The following SRFBP1 variants were observed in gnomAD, a reference collection of about 807,000 sequenced individuals.
SRFBP1 encodes serum response factor binding protein 1, also known as serum response factor-binding protein 1.
SRFBP1 carries 47 observed loss-of-function variants against 45.5 expected under a neutral mutation model. That is an observed-to-expected ratio of 1.03 (90% confidence interval 0.82 to 1.32). The LOEUF is 1.32. Among genes scored for constraint, SRFBP1 ranks in the 40% most tolerant of loss-of-function variants. The pLI, the probability that SRFBP1 is intolerant of heterozygous loss-of-function variation, is 0.00. For missense variants in SRFBP1, 621 were observed against 484.6 expected (o/e 1.28, Z -2.64); for synonymous variants, 203 against 166.3 (o/e 1.22, Z -1.70).
chr5:121,983,836 TTAG>T (rs1413132143), intron 3 of SRFBP1, among the ~76,000 whole-genome samples: 3 of 151,856 alleles, frequency 2.0e-5, no homozygotes, highest in South Asian at 2.1e-4. Context: ...GTAAAATTTC[TTAG>T]TAGTAAACTT....
chr5:121,978,144 G>T (rs1752341165), intron 3 of SRFBP1, among the ~76,000 whole-genome samples: 1 of 152,102 alleles, frequency 6.6e-6, no homozygotes. Flanking sequence ...AGCTTTTACT[G>T]AGCATTTACT....
chr5:122,063,254 G>C (rs999691786), intron 2 of SRFBP1: 4 of 151,814 alleles, frequency 2.6e-5, no homozygotes, highest in African/African-American at 9.7e-5. Flanking sequence ...TAGTATAGAT[G>C]TATAATAAAA....
At chr5:122,062,006 A>G (rs1434491288) in intron 2 of SRFBP1, among the ~76,000 whole-genome samples, 5 of 151,990 alleles carry the variant, frequency 3.3e-5, no homozygotes, top group African/African-American at 1.2e-4. Flanking sequence ...GTATACTAGG[A>G]TAATAAGTGC....
chr5:122,043,694 G>A (rs918678763), intron 2 of SRFBP1, among the ~76,000 whole-genome samples: 6 of 151,864 alleles, frequency 4.0e-5, no homozygotes, highest in African/African-American at 1.5e-4. Flanking sequence ...AATACTCCAC[G>A]GCTTTAGAAT....
At chr5:121,981,287 G>T (rs950316218) in intron 3 of SRFBP1, among the ~76,000 whole-genome samples, 13 of 151,990 alleles carry the variant, frequency 8.6e-5, no homozygotes, top group Non-Finnish European at 1.8e-4. Context: ...AGAACCAAGA[G>T]TATCTAGGAA....
intron 4 of SRFBP1, among the ~76,000 whole-genome samples, chr5:122,004,376 C>G (rs1752938182): frequency 6.6e-6 from 1 of 152,006 alleles, no homozygotes; most frequent in Non-Finnish European, 1.5e-5. Context: ...GTTTATTGAA[C>G]AGACTGTCCT....
At chr5:122,034,871 G>T (rs1486887867) in intron 2 of SRFBP1, among the ~76,000 whole-genome samples, 2 of 151,794 alleles carry the variant, frequency 1.3e-5, no homozygotes, top group African/African-American at 4.8e-5. Flanking sequence ...CTAAATCTTG[G>T]GATTGTTACT....
chr5:121,992,602 G>A (rs1348758278), intron 3 of SRFBP1, among the ~76,000 whole-genome samples: 1 of 152,006 alleles, frequency 6.6e-6, no homozygotes, highest in Non-Finnish European at 1.5e-5. Context: ...TCTTCCAGGA[G>A]CTATTTAGCC....
chr5:122,041,700 T>C (rs1360988117), intron 2 of SRFBP1, among the ~76,000 whole-genome samples: 1 of 152,150 alleles, frequency 6.6e-6, no homozygotes, highest in Non-Finnish European at 1.5e-5. Context: ...TTATTTTTAA[T>C]AGTTTCTCTG....
chr5:121,997,433 A>G (rs1000762401), intron 4 of SRFBP1, among the ~76,000 whole-genome samples: 21 of 151,952 alleles, frequency 1.4e-4, no homozygotes, highest in Non-Finnish European at 1.0e-4. Context: ...CCTATTTAAT[A>G]AATGGTGCTG....
rs1181558261 is a variant in SRFBP1, at chr5:122,005,251, CCT to C, written c.270+10584_270+10585del. 2.6e-5 allele frequency among the ~76,000 whole-genome samples: 4 copies of C among 152,116 alleles called. No individual in the cohort carries two copies. The East Asian group carries it at 7.7e-4, about 29-fold the overall frequency. On this transcript the variant is annotated intron_variant, in intron 4 of 7. Coordinates refer to ENST00000339397, the MANE Select transcript of SRFBP1 (RefSeq NM_152546.3). Reference sequence around the variant, plus strand: ...ATTGCTGAAAGTGGAGTATTGAAGTCCTCTATTATTATTGTATTACAATCTGT... The same window carrying C: ...ATTGCTGAAAGTGGAGTATTGAAGTCCTATTATTATTGTATTACAATCTGT...
At chr5:122,048,081 T>G (rs1195161761) in intron 2 of SRFBP1, among the ~76,000 whole-genome samples, 9 of 152,172 alleles carry the variant, frequency 5.9e-5, no homozygotes, top group Non-Finnish European at 1.2e-4. Flanking sequence ...TCCAACACTA[T>G]ATTGAATAGG....
At chr5:121,988,190 A>G (rs1295448502) in intron 3 of SRFBP1, among the ~76,000 whole-genome samples, 2 of 152,168 alleles carry the variant, frequency 1.3e-5, no homozygotes, top group Admixed American at 6.6e-5. Context: ...TTAATTGACC[A>G]TCACTGACAA....
In SRFBP1 at chr5:122,020,616, G is replaced by A. The variant is rs200022745; in HGVS notation, c.881G>A (p.Arg294Gln). 81 of 1,613,778 alleles carry A rather than the reference G, an allele frequency of 5.0e-5. No homozygotes were observed. Among genetic ancestry groups the A allele is most frequent in the Middle Eastern group, 5.0e-4 (3 of 6,058 alleles). ...TTCATTGGGAAAGTCAGACGGACAC[G>A]AAAGAAGGAAAGTAGTTGTCATTCT... ...DFFIGKVRRT[R>Q]KKESSCHSSV... Residue 294 changes from arginine (R) to glutamine (Q), a missense_variant, in exon 6 of 8, where the codon CGA (arginine) becomes CAA (glutamine). Arg to Gln is a conservative substitution (Grantham distance 43). Coordinates refer to ENST00000339397, the MANE Select transcript of SRFBP1 (RefSeq NM_152546.3).
At chr5:122,010,722 A>T (rs1316108607) in intron 4 of SRFBP1, among the ~76,000 whole-genome samples, 1 of 133,592 alleles carries the variant, frequency 7.5e-6, no homozygotes, top group African/African-American at 3.3e-5. Context: ...TTTCCCATAA[A>T]ATTTTAATTT....
chr5:121,974,229 C>T lies in SRFBP1; in HGVS notation c.70C>T (p.Arg24Ter), dbSNP rs755477781. The T allele has an allele frequency of 4.3e-6, 7 of 1,611,236 alleles. No individual in the cohort carries two copies. The highest frequency in any genetic ancestry group is 2.2e-5 in the East Asian group (1 of 44,746). ...VKMRKEVKRI[R>*]VLVIRKLVRS... ...GATGAGAAAAGAAGTGAAGAGAATT[C>T]GAGTTTTAGTTATCCGAAAACTTGT... Residue 24 changes from arginine (R) to a stop codon, truncating the protein, a stop_gained, in exon 2 of 8, where the codon CGA (arginine) becomes TGA (stop). Coordinates refer to ENST00000339397, the MANE Select transcript of SRFBP1 (RefSeq NM_152546.3). LOFTEE classifies it high-confidence loss of function.
Position 121,995,710 on chromosome 5 carries a change from C to G in SRFBP1, c.270+1040C>G, listed in dbSNP as rs1268791475. 2.0e-5 allele frequency among the ~76,000 whole-genome samples: 3 copies of G among 152,120 alleles called. No individual in the cohort carries two copies. In the East Asian group the frequency reaches 5.8e-4, roughly 29 times the overall value. On this transcript the variant is annotated intron_variant, in intron 4 of 7. Transcript: ENST00000339397. Reference sequence around the variant, plus strand: ...AGACACAAAAAACCCTTCAAAAAATCAGTGAATCCAGGAGCTGGTTTTTTG... The same window carrying G: ...AGACACAAAAAACCCTTCAAAAAATGAGTGAATCCAGGAGCTGGTTTTTTG...
intron 2 of SRFBP1, among the ~76,000 whole-genome samples, chr5:122,067,913 C>G (rs1391690963): frequency 1.3e-5 from 2 of 152,022 alleles, no homozygotes; most frequent in African/African-American, 2.4e-5. Context: ...GACCTCTCCT[C>G]TGTCTGAACT....
intron 7 of SRFBP1, among the ~76,000 whole-genome samples, chr5:122,022,723 T>A (rs1024860347): frequency 6.6e-6 from 1 of 152,238 alleles, no homozygotes; most frequent in Non-Finnish European, 1.5e-5. Flanking sequence ...TCCTAAACGC[T>A]AATGCCATGC....
Sources: gnomAD v4.1 joint callset for allele counts (sites outside exome capture counted in the v4.1 genomes callset) on GRCh38, gnomAD v4.1.1 for gene constraint, MANE v1.5 for transcripts, NCBI Gene and HGNC (gene_info 2026-07-23, HGNC 2026-07-21) for gene names.